THRB: variants seen among roughly 807,000 people sequenced by gnomAD.
THRB encodes nuclear receptor subfamily 1 group A member 2.
Under a neutral mutation model 47.8 loss-of-function variants are expected in THRB, and 12 were observed. The observed-to-expected ratio is 0.25, with a 90% CI of 0.16 to 0.41. The LOEUF is 0.41. THRB is among the 10% of genes least tolerant of loss of function. THRB has a pLI of 1.00. For missense variants in THRB, 348 were observed against 589.2 expected, an observed-to-expected ratio of 0.59 and a Z score of 4.24; for synonymous variants, 218 against 212.2, an observed-to-expected ratio of 1.03 and a Z score of -0.24.
At chr3:24,368,590 C>A (rs1023356235) in intron 1 of THRB, among the ~76,000 whole-genome samples, 3 of 152,170 alleles carry the variant, frequency 2.0e-5, no homozygotes, top group African/African-American at 7.2e-5. Context: ...GTTGAAATAA[C>A]CGCAGAATAA....
chr3:24,354,499 T>C (rs1160163334), intron 1 of THRB, among the ~76,000 whole-genome samples: 1 of 152,184 alleles, frequency 6.6e-6, no homozygotes, highest in African/African-American at 2.4e-5. Context: ...TTTTCTTGTC[T>C]ATATTGGGAA....
intron 1 of THRB, among the ~76,000 whole-genome samples, chr3:24,418,057 A>G (rs1334884730): frequency 6.6e-6 from 1 of 151,756 alleles, no homozygotes; most frequent in African/African-American, 2.4e-5. Context: ...ACTTCTCATA[A>G]TCTTTTTTCC....
intron 4 of THRB, among the ~76,000 whole-genome samples, chr3:24,226,718 C>A (rs1224846031): frequency 6.6e-6 from 1 of 152,156 alleles, no homozygotes; most frequent in Non-Finnish European, 1.5e-5. Flanking sequence ...TGGTTTGTAG[C>A]TAGAAGAGAA....
chr3:24,469,569 C>A (rs2074403320), intron 1 of THRB, among the ~76,000 whole-genome samples: 1 of 152,140 alleles, frequency 6.6e-6, no homozygotes, highest in South Asian at 2.1e-4. Context: ...CAACCTACTT[C>A]TGAAGAGTAT....
intron 1 of THRB, among the ~76,000 whole-genome samples, chr3:24,361,087 T>C (rs2064032235): frequency 6.6e-6 from 1 of 152,174 alleles, no homozygotes; most frequent in African/African-American, 2.4e-5. Flanking sequence ...ACCCAGATTT[T>C]TATAATAACT....
intron 1 of THRB, among the ~76,000 whole-genome samples, chr3:24,449,900 A>T (rs1364903760): frequency 6.6e-6 from 1 of 152,204 alleles, no homozygotes; most frequent in Non-Finnish European, 1.5e-5. Flanking sequence ...GCTTTGATTT[A>T]TAAGCAATAA....
At chr3:24,235,978 C>G (rs988239890) in intron 3 of THRB, among the ~76,000 whole-genome samples, 1 of 152,144 alleles carries the variant, frequency 6.6e-6, no homozygotes, top group African/African-American at 2.4e-5. Context: ...CACCCTGTCC[C>G]CACTTGAGCC....
intron 1 of THRB, among the ~76,000 whole-genome samples, chr3:24,442,596 G>T (rs935073383): frequency 2.0e-5 from 3 of 152,086 alleles, no homozygotes; most frequent in Non-Finnish European, 4.4e-5. Flanking sequence ...AGGCCAAGGC[G>T]GGCAGATCAC....
At chr3:24,217,393 C>G (rs184570421) in intron 4 of THRB, among the ~76,000 whole-genome samples, 1 of 151,994 alleles carries the variant, frequency 6.6e-6, no homozygotes. Context: ...ATCATTTCAT[C>G]CTGCTCATTG....
intron 1 of THRB, among the ~76,000 whole-genome samples, chr3:24,435,605 T>C (rs1024319380): frequency 1.3e-5 from 2 of 152,136 alleles, no homozygotes; most frequent in East Asian, 3.9e-4. Context: ...AAAGTATGGG[T>C]ATATTTGCTA....
At chr3:24,414,621 G>A (rs2068592267) in intron 1 of THRB, among the ~76,000 whole-genome samples, 1 of 151,844 alleles carries the variant, frequency 6.6e-6, no homozygotes, top group East Asian at 1.9e-4. Context: ...AGAGAATTCA[G>A]TTTTGAATTT....
At chr3:24,229,786 T>C (rs2048063538) in intron 3 of THRB, among the ~76,000 whole-genome samples, 1 of 152,210 alleles carries the variant, frequency 6.6e-6, no homozygotes, top group Non-Finnish European at 1.5e-5. Flanking sequence ...ATTAGCTTTC[T>C]TTTTCTGGAG....
At chr3:24,319,150 G>T (rs1474691392) in intron 2 of THRB, among the ~76,000 whole-genome samples, 2 of 152,158 alleles carry the variant, frequency 1.3e-5, no homozygotes, top group African/African-American at 4.8e-5. Flanking sequence ...CTCTTACACT[G>T]TTGGGGGCAC....
chr3:24,156,177 T>G (rs1260344943), intron 5 of THRB, among the ~76,000 whole-genome samples: 1 of 152,236 alleles, frequency 6.6e-6, no homozygotes, highest in Admixed American at 6.5e-5. Flanking sequence ...CGACTTGTCA[T>G]GTAGAAGGGG....
intron 1 of THRB, among the ~76,000 whole-genome samples, chr3:24,471,908 G>T (rs1694760212): frequency 6.6e-6 from 1 of 152,114 alleles, no homozygotes; most frequent in Admixed American, 6.5e-5. Context: ...GCTTCCCTTT[G>T]TTCCTCCCTT....
At chr3:24,231,369 C>T (rs903754293) in intron 3 of THRB, among the ~76,000 whole-genome samples, 9 of 151,800 alleles carry the variant, frequency 5.9e-5, no homozygotes, top group South Asian at 2.1e-4. Context: ...GTGTGTGGGG[C>T]GGAAAGTATC....
intron 1 of THRB, among the ~76,000 whole-genome samples, chr3:24,489,809 T>C (rs4858621): frequency 0.13 from 19,588 of 152,058 alleles, 1,441 homozygotes; most frequent in Admixed American, 0.2. Context: ...TGTGACTCAG[T>C]GATTTGGATA....
rs569706090 is a variant in THRB, at chr3:24,456,154, C to A, written c.-261+38498G>T. On this transcript the variant is annotated intron_variant, in intron 1 of 10. Transcript: ENST00000646209. ...GACCAGCCTGGGCAACATAGTGAGG[C>A]CTAATCTCTAAGAAAAAAAATTTTT... 3.9e-5 allele frequency among the ~76,000 whole-genome samples: 6 copies of A among 152,022 alleles called. No individual in the cohort carries two copies. In the South Asian group the frequency reaches 1.2e-3, roughly 32 times the overall value.
intron 1 of THRB, among the ~76,000 whole-genome samples, chr3:24,347,698 T>G (rs138038258): frequency 4.2e-4 from 63 of 151,692 alleles, no homozygotes; most frequent in African/African-American, 1.5e-3. Context: ...AGGGGATACA[T>G]GAACACTTCA....
Sources: allele counts gnomAD v4.1 joint callset (sites outside exome capture counted in the v4.1 genomes callset), GRCh38; gene constraint gnomAD v4.1.1; transcripts MANE v1.5; gene names NCBI Gene and HGNC (gene_info 2026-07-23, HGNC 2026-07-21).